Variants in MYCBP2 observed in about 807,000 individuals in gnomAD.
MYCBP2 encodes E3 ubiquitin-protein ligase MYCBP2.
Under a neutral mutation model 525.3 loss-of-function variants are expected in MYCBP2, and 120 were observed. The observed-to-expected ratio is 0.23, with a 90% CI of 0.20 to 0.27. The LOEUF is 0.27. MYCBP2 is among the 10% of genes least tolerant of loss of function. The probability of loss-of-function intolerance (pLI) is 1.00; values close to 1 mark genes in which losing one functional copy is unlikely to be tolerated. For synonymous variants in MYCBP2, 1,894 were observed against 1,955.8 expected (o/e 0.97, Z 0.83); for missense variants, 4,149 against 5,657.1 (o/e 0.73, Z 8.55).
chr13:77,307,557 T>C (rs2079600035), intron 1 of MYCBP2, among the ~76,000 whole-genome samples: 1 of 135,578 alleles, frequency 7.4e-6, no homozygotes, highest in East Asian at 2.2e-4. Flanking sequence ...GTCCAGGAGT[T>C]AGAGGCTGCA....
At chr13:77,270,212 AGAAAT>A in intron 6 of MYCBP2, 79 bp downstream of exon 6, 10 of 1,484,044 alleles carry the variant, frequency 6.7e-6, no homozygotes, top group Non-Finnish European at 9.1e-6. Flanking sequence ...ATCATATTCT[AGAAAT>A]GAAACTAGAA....
chr13:77,202,503 C>A (rs1301557046), intron 26 of MYCBP2, among the ~76,000 whole-genome samples: 1 of 151,958 alleles, frequency 6.6e-6, no homozygotes, highest in African/African-American at 2.4e-5. Context: ...GAAACTATTC[C>A]AATCAATAGA....
intron 46 of MYCBP2, among the ~76,000 whole-genome samples, chr13:77,155,126 T>C (rs929134339): frequency 6.6e-6 from 1 of 152,140 alleles, no homozygotes; most frequent in Non-Finnish European, 1.5e-5. Context: ...TTTGATTTAG[T>C]ATCAGGGTTG....
At chr13:77,093,056 AAACTGGCTCACAG>A (rs2045697142) in intron 59 of MYCBP2, 96 bp downstream of exon 59, 1 of 1,110,264 alleles carries the variant, frequency 9.0e-7, no homozygotes, top group Non-Finnish European at 1.3e-6. Flanking sequence ...GCAGTTAGCA[AAACTGGCTCACAG>A]ATGTATTAAA....
At chr13:77,240,190 A>C (rs1362726839) in intron 17 of MYCBP2, among the ~76,000 whole-genome samples, 1 of 152,210 alleles carries the variant, frequency 6.6e-6, no homozygotes, top group African/African-American at 2.4e-5. Context: ...GTCATATCAG[A>C]ATAGATTTTT....
intron 55 of MYCBP2, chr13:77,103,261 A>G (rs2047349001): frequency 5.0e-6 from 2 of 397,860 alleles, no homozygotes; most frequent in African/African-American, 4.1e-5. Context: ...CAGCTACACC[A>G]TAATTTTTGT....
At chr13:77,304,264 A>AT (rs1935928944) in intron 1 of MYCBP2, among the ~76,000 whole-genome samples, 1 of 152,166 alleles carries the variant, frequency 6.6e-6, no homozygotes, top group Non-Finnish European at 1.5e-5. Flanking sequence ...AGAAAATGTG[A>AT]TATATATACA....
chr13:77,314,778 G>C (rs2080724132), intron 1 of MYCBP2, among the ~76,000 whole-genome samples: 1 of 152,128 alleles, frequency 6.6e-6, no homozygotes, highest in South Asian at 2.1e-4. Flanking sequence ...ATTATGATGT[G>C]TCAGTGGAGG....
At chr13:77,160,819 A>C (rs2057822835) in intron 44 of MYCBP2, among the ~76,000 whole-genome samples, 1 of 152,240 alleles carries the variant, frequency 6.6e-6, no homozygotes, top group Non-Finnish European at 1.5e-5. Context: ...CTAAGGCTAT[A>C]ACAGAGTCTT....
At chr13:77,245,907 CCT>C (rs2069843508) in intron 15 of MYCBP2, among the ~76,000 whole-genome samples, 1 of 151,746 alleles carries the variant, frequency 6.6e-6, no homozygotes, top group Non-Finnish European at 1.5e-5. Context: ...TCTCCTTCCC[CCT>C]CTCTTCTTTA....
Position 77,098,698 on chromosome 13 carries a change from A to G in MYCBP2, c.8456T>C (p.Leu2819Ser). 6.2e-7 allele frequency: 1 copy of G among 1,613,416 alleles called. No individual in the cohort carries two copies. The highest frequency in any genetic ancestry group is 1.1e-5 in the South Asian group (1 of 91,030). ...GAGAGTCTTTGGCTTAGGAGATGACAACCGAGAACCTGGTCCTGGGGATTC... is the reference window on the plus strand; with the variant it reads ...GAGAGTCTTTGGCTTAGGAGATGACGACCGAGAACCTGGTCCTGGGGATTC... The part of the protein sequence containing the change: ...RAESPGPGSR[L>S]SSPKPKTLPA... Residue 2819 changes from leucine to serine, a missense_variant, in exon 56 of 83, where the codon TTG (leucine) becomes TCG (serine). Coordinates refer to ENST00000544440, the MANE Select transcript of MYCBP2 (RefSeq NM_015057.5).
chr13:77,052,074 C>T (rs1454697610), intron 80 of MYCBP2, among the ~76,000 whole-genome samples, 156 bp from the exon 81 acceptor site: 1 of 152,166 alleles, frequency 6.6e-6, no homozygotes, highest in East Asian at 1.9e-4. Flanking sequence ...GCCCATATTG[C>T]TTGCTGACTG....
intron 61 of MYCBP2, 173 bp from the exon 62 acceptor site, chr13:77,087,806 T>C (rs1007411128): frequency 1.8e-6 from 1 of 567,868 alleles, no homozygotes; most frequent in Non-Finnish European, 3.0e-6. Flanking sequence ...TAAGAGACAG[T>C]GTCTCGCTCT....
At chr13:77,077,453 T>C in intron 66 of MYCBP2, 66 bp from the exon 67 acceptor site, 3 of 1,568,146 alleles carry the variant, frequency 1.9e-6, no homozygotes, top group Non-Finnish European at 2.6e-6. Context: ...GTGCTGGACT[T>C]AGCATTGATA....
chr13:77,322,757 C>A (rs2081828121), intron 1 of MYCBP2, among the ~76,000 whole-genome samples: 1 of 152,210 alleles, frequency 6.6e-6, no homozygotes, highest in Non-Finnish European at 1.5e-5. Context: ...CATTTAGCCA[C>A]TGTGCTATGG....
intron 82 of MYCBP2, among the ~76,000 whole-genome samples, chr13:77,049,899 G>C (rs1367101043): frequency 6.6e-6 from 1 of 152,124 alleles, no homozygotes; most frequent in Non-Finnish European, 1.5e-5. Context: ...GTCTCCCATA[G>C]TGCTGGGATT....
intron 10 of MYCBP2, 31 bp downstream of exon 10, chr13:77,263,620 T>C: frequency 6.3e-7 from 1 of 1,579,842 alleles, no homozygotes; most frequent in Non-Finnish European, 8.6e-7. Flanking sequence ...AAAATTAAAA[T>C]ATAGGGAAAA....
At chr13:77,236,422 T>C (rs1297141242) in intron 17 of MYCBP2, among the ~76,000 whole-genome samples, 1 of 152,096 alleles carries the variant, frequency 6.6e-6, no homozygotes, top group Middle Eastern at 3.2e-3. Flanking sequence ...AAGCTCTTGG[T>C]GATATATTTC....
Position 77,233,156 on chromosome 13 carries a change from C to T in MYCBP2, c.2737G>A (p.Asp913Asn), listed in dbSNP as rs2067361802. The change falls in exon 18 of 83, where the codon GAT becomes AAT. Residue 913 changes from aspartate to asparagine, a missense_variant and splice_region_variant. By Grantham distance (23) the Asp-to-Asn change is conservative (BLOSUM62 1). Around this residue, in one of 21 missense-constraint regions of MYCBP2, gnomAD observed 620 missense variants for 795.5 expected, o/e 0.78. Coordinates refer to ENST00000544440, the MANE Select transcript of MYCBP2 (RefSeq NM_015057.5). ...QLKHKRDKHK[D>N]GSGERGEKDA... is the part of the protein sequence containing the mutation. Reference sequence around the variant, plus strand: ...CTAGGTGATAAGGAAGACCAAATACCTTTGTGCTTGTCCCGTTTATGCTTT... The same window carrying T: ...CTAGGTGATAAGGAAGACCAAATACTTTTGTGCTTGTCCCGTTTATGCTTT... The T allele has an allele frequency of 1.9e-6, 3 of 1,612,602 alleles. No individual in the cohort carries two copies. Among genetic ancestry groups the T allele is most frequent in the Non-Finnish European group, 2.5e-6 (3 of 1,179,068 alleles).
Sources: allele counts gnomAD v4.1 joint callset (sites outside exome capture counted in the v4.1 genomes callset), GRCh38; gene constraint gnomAD v4.1.1; regional missense constraint gnomAD v4.1.1; transcripts MANE v1.5; gene names NCBI Gene and HGNC (gene_info 2026-07-23, HGNC 2026-07-21).